NUP98: variants seen among roughly 807,000 people sequenced by gnomAD.
NUP98 encodes nuclear pore complex protein Nup98-Nup96.
NUP98 carries 26 observed loss-of-function variants against 191.9 expected under a neutral mutation model. The ratio of observed to expected loss-of-function variants is 0.14; its 90% CI spans 0.10 to 0.19. The LOEUF (loss-of-function observed/expected upper bound fraction) is 0.19. Ranked by LOEUF, NUP98 falls within the 10% of genes least tolerant of loss-of-function variation. NUP98 has a pLI of 1.00. For missense variants in NUP98, 1,941 were observed against 2,178.8 expected (o/e 0.89, Z 2.17); for synonymous variants, 808 against 778.4 (o/e 1.04, Z -0.63).
intron 18 of NUP98, among the ~76,000 whole-genome samples, chr11:3,715,334 A>G (rs2079145824): frequency 6.6e-6 from 1 of 152,116 alleles, no homozygotes; most frequent in South Asian, 2.1e-4. Context: ...TTTAGTAGAG[A>G]CGGGGTTTTG....
At chr11:3,736,222 A>G (rs1185781647) in intron 12 of NUP98, among the ~76,000 whole-genome samples, 3 of 152,152 alleles carry the variant, frequency 2.0e-5, no homozygotes, top group African/African-American at 7.2e-5. Context: ...GTCAGCCACC[A>G]TGCCTGGCCT....
At chr11:3,710,304 G>A (rs1370011858) in intron 20 of NUP98, among the ~76,000 whole-genome samples, 1 of 152,114 alleles carries the variant, frequency 6.6e-6, no homozygotes, top group African/African-American at 2.4e-5. Flanking sequence ...AGGTTTATCT[G>A]CCAACCAACA....
intron 1 of NUP98, among the ~76,000 whole-genome samples, chr11:3,789,450 C>G (rs1185070052): frequency 6.7e-6 from 1 of 149,104 alleles, no homozygotes; most frequent in African/African-American, 2.5e-5. Context: ...ACATCTCTGT[C>G]TTTATTCCCA....
Position 3,680,172 on chromosome 11 carries a change from AATAAG to A in NUP98, c.4919-469_4919-465del, listed in dbSNP as rs369156319. On this transcript the variant is annotated intron_variant, in intron 30 of 32. Transcript: ENST00000324932. ...TGTGATGGCTATGCTAATTTCTTAAAATAAGATAACTGAAGTCAGTTCTCTCAAAC... is the reference window on the plus strand; with the variant it reads ...TGTGATGGCTATGCTAATTTCTTAAAATAACTGAAGTCAGTTCTCTCAAAC... 2.4e-3 allele frequency among the ~76,000 whole-genome samples: 367 copies of A among 152,290 alleles called. 1 individual carries two copies. Among genetic ancestry groups the A allele is most frequent in the African/African-American group, 8.6e-3 (359 of 41,554 alleles).
chr11:3,789,485 A>G (rs1349116481), intron 1 of NUP98, among the ~76,000 whole-genome samples: 1 of 145,672 alleles, frequency 6.9e-6, no homozygotes. Context: ...TAATTTACAA[A>G]TTCATTTACC....
In NUP98 at chr11:3,695,407, G is replaced by A. The variant is rs200998630; in HGVS notation, c.4167+42C>T. The A allele has an allele frequency of 1.9e-5, 28 of 1,467,056 alleles. No individual in the cohort carries two copies. The African/African-American group carries it at 3.6e-4, about 19-fold the overall frequency. 90.9% of individuals were successfully genotyped at this position (1,467,056 alleles called of 1,614,324 possible). On this transcript the variant is annotated intron_variant, in intron 26 of 32. Transcript: ENST00000324932. ...CAACCTCAAACCAGCTTCAATTTAT[G>A]AAAAAACCAATGTGAGATATTATGG...
intron 29 of NUP98, among the ~76,000 whole-genome samples, chr11:3,683,829 C>T (rs2078054407): frequency 6.6e-6 from 1 of 152,134 alleles, no homozygotes; most frequent in South Asian, 2.1e-4. Context: ...TGAGCCACCA[C>T]ACCTGGCCTA....
Position 3,794,196 on chromosome 11 carries a change from C to G in NUP98, c.-29+3204G>C, listed in dbSNP as rs144572454. On this transcript the variant is annotated intron_variant, in intron 1 of 32. Coordinates refer to ENST00000324932, the MANE Select transcript of NUP98 (RefSeq NM_016320.5). ...GGCCCAAAGTCTCAAAGTTCCAAAG[C>G]TGAGAAACCTTTCTCTAGAGCCATA... 3.6e-3 allele frequency among the ~76,000 whole-genome samples: 548 copies of G among 152,300 alleles called. 4 individuals carry two copies. The highest frequency in any genetic ancestry group is 0.012 in the African/African-American group (519 of 41,564).
Position 3,706,537 on chromosome 11 carries a change from T to C in NUP98, c.2833A>G (p.Met945Val), listed in dbSNP as rs762925405. 6.2e-7 allele frequency: 1 copy of C among 1,614,180 alleles called. No homozygotes were observed. Among genetic ancestry groups the C allele is most frequent in the Non-Finnish European group, 8.5e-7 (1 of 1,180,012 alleles). Residue 945 changes from methionine to valine, a missense_variant, in exon 21 of 33, where the codon ATG (methionine) becomes GTG (valine). This residue lies in a region of NUP98 where 1,030 missense variants were observed against 1,115.8 expected (regional missense o/e 0.92). Transcript: ENST00000324932. ...TCCTCAGGCATGCTCTCTTCTAACATGGTATCCAAAACTGGCTCCTGGGTG... is the reference window on the plus strand; with the variant it reads ...TCCTCAGGCATGCTCTCTTCTAACACGGTATCCAAAACTGGCTCCTGGGTG... Reference protein sequence around the residue: ...DITQEPVLDTMLEESMPEDQE... With the variant: ...DITQEPVLDTVLEESMPEDQE...
In NUP98 at chr11:3,675,723, C is replaced by A; in HGVS notation, c.*436G>T. The A allele has an allele frequency of 3.8e-6, 1 of 262,060 alleles. No individual in the cohort carries two copies. Among genetic ancestry groups the A allele is most frequent in the South Asian group, 1.1e-4 (1 of 9,426 alleles). The allele number at this position is 262,060 out of a possible 1,614,324, so 16.2% of individuals were successfully genotyped here. A position where few individuals can be genotyped will look rare whatever the true frequency, so the allele number is the denominator to read the frequency against. ...ATCCCTCTTCCTTCTGTGGATAGTT[C>A]ATCTGTTAAGGATCCATTATCACCT... On this transcript the variant is annotated 3_prime_UTR_variant, in exon 33 of 33. Coordinates refer to ENST00000324932, the MANE Select transcript of NUP98 (RefSeq NM_016320.5).
At chr11:3,740,496 G>A (rs1163443051) in intron 12 of NUP98, among the ~76,000 whole-genome samples, 1 of 151,240 alleles carries the variant, frequency 6.6e-6, no homozygotes, top group Non-Finnish European at 1.5e-5. Context: ...CAGTCTTGGG[G>A]AGAGAGCAAG....
At chr11:3,733,056 T>A (rs1196360458) in intron 13 of NUP98, among the ~76,000 whole-genome samples, 1 of 152,248 alleles carries the variant, frequency 6.6e-6, no homozygotes, top group African/African-American at 2.4e-5. Context: ...ATAAACCTCA[T>A]GTGACATAGA....
intron 22 of NUP98, 149 bp downstream of exon 22, chr11:3,705,051 A>G: frequency 1.4e-6 from 1 of 729,932 alleles, no homozygotes; most frequent in South Asian, 1.9e-5. Flanking sequence ...ACTTATAAGT[A>G]CAATTTCTCT....
chr11:3,692,486 G>GCA (rs1564810432), intron 27 of NUP98, among the ~76,000 whole-genome samples: 1 of 151,904 alleles, frequency 6.6e-6, no homozygotes, highest in Non-Finnish European at 1.5e-5. Flanking sequence ...AATTAGCCAG[G>GCA]CGTAGTGGCA....
intron 10 of NUP98, 121 bp downstream of exon 10, chr11:3,760,418 G>T: frequency 7.2e-7 from 1 of 1,392,638 alleles, no homozygotes; most frequent in Non-Finnish European, 1.0e-6. Context: ...CCAATCATAC[G>T]AATCAGGAGA....
At chr11:3,770,777 C>G (rs1051662631) in intron 7 of NUP98, among the ~76,000 whole-genome samples, 1 of 152,154 alleles carries the variant, frequency 6.6e-6, no homozygotes, top group African/African-American at 2.4e-5. Context: ...TCTTTAACTC[C>G]TCTTTCACAT....
In NUP98 at chr11:3,773,681, T is replaced by C. The variant is rs749288417; in HGVS notation, c.554A>G (p.Lys185Arg). 3.1e-6 allele frequency: 5 copies of C among 1,613,470 alleles called. No individual in the cohort carries two copies. The African/African-American group carries it at 5.3e-5, about 17-fold the overall frequency. Residue 185 changes from lysine (K) to arginine (R), a missense_variant, in exon 6 of 33, where the codon AAG (lysine) becomes AGG (arginine). Physicochemically the swap from Lys to Arg is conservative, Grantham distance 26 (BLOSUM62 2). Transcript: ENST00000324932. ...KAGVSTNISTKHQCITAMKEY... is the reference protein window; with the variant it reads ...KAGVSTNISTRHQCITAMKEY... ...TTTCATAGCAGTAATACACTGGTGC[T>C]TGGTACTTATGTTAGTGCTAACTCC...
intron 10 of NUP98, among the ~76,000 whole-genome samples, chr11:3,754,941 C>CAAAAA (rs34606573): frequency 3.0e-5 from 2 of 66,228 alleles, no homozygotes; most frequent in East Asian, 4.6e-4. Context: ...GACACTATCT[C>CAAAAA]AAAAAAAAAA....
At position 3,721,790 on chromosome 11, in the gene NUP98, G is replaced by A. The variant is rs946382328; in HGVS notation, c.2147-965C>T. ...ACCAAAATAAAAAAAGCAGAGCGCT[G>A]AAAAACTCAAGGAAAGTAGTGGAAC... On this transcript the variant is annotated intron_variant, in intron 16 of 32. Transcript: ENST00000324932. 9.2e-5 allele frequency among the ~76,000 whole-genome samples: 14 copies of A among 152,058 alleles called. 1 individual carries two copies. Among genetic ancestry groups the A allele is most frequent in the Admixed American group, 7.9e-4 (12 of 15,246 alleles).
Sources: allele counts gnomAD v4.1 joint callset (sites outside exome capture counted in the v4.1 genomes callset), GRCh38; gene constraint gnomAD v4.1.1; regional missense constraint gnomAD v4.1.1; transcripts MANE v1.5; gene names NCBI Gene and HGNC (gene_info 2026-07-23, HGNC 2026-07-21).